The following DNAAF11 variants were observed in gnomAD, a reference collection of about 807,000 sequenced individuals.
DNAAF11 encodes dynein axonemal assembly factor 11.
Under a neutral mutation model 60.8 loss-of-function variants are expected in DNAAF11, and 45 were observed. The observed-to-expected ratio is 0.74, with a 90% CI of 0.58 to 0.95. The LOEUF is 0.95. DNAAF11 is among the 40% of genes least tolerant of loss of function. The pLI is 0.00. For missense variants in DNAAF11, 546 were observed against 546.2 expected, an observed-to-expected ratio of 1.00 and a Z score of 0.00; for synonymous variants, 191 against 183.5, an observed-to-expected ratio of 1.04 and a Z score of -0.33.
chr8:132,605,090 G>A (rs535462170), intron 10 of DNAAF11, among the ~76,000 whole-genome samples: 9 of 152,142 alleles, frequency 5.9e-5, no homozygotes, highest in African/African-American at 1.4e-4. Flanking sequence ...TGTCCCAAGC[G>A]CTGTCCTAGG....
chr8:132,625,576 T>C, intron 5 of DNAAF11, 122 bp from the exon 6 acceptor site: 1 of 765,422 alleles, frequency 1.3e-6, no homozygotes, highest in Non-Finnish European at 2.0e-6. Flanking sequence ...AATGACAAAG[T>C]GACTCTGAAA....
chr8:132,667,851 AGGAGGTTTCTGGGATACT>A (rs756363287), intron 1 of DNAAF11, among the ~76,000 whole-genome samples: 2 of 152,204 alleles, frequency 1.3e-5, no homozygotes, highest in Non-Finnish European at 2.9e-5. Flanking sequence ...GGGCACGGTG[AGGAGGTTTCTGGGATACT>A]GGAGGCTGTC....
intron 5 of DNAAF11, among the ~76,000 whole-genome samples, chr8:132,631,434 C>G (rs904632246): frequency 1.3e-5 from 2 of 152,174 alleles, no homozygotes; most frequent in Non-Finnish European, 2.9e-5. Flanking sequence ...TCTATACTTA[C>G]AATGAATTAG....
intron 10 of DNAAF11, among the ~76,000 whole-genome samples, chr8:132,593,033 G>A (rs1170977606): frequency 6.6e-6 from 1 of 151,678 alleles, no homozygotes; most frequent in Non-Finnish European, 1.5e-5. Context: ...AATGAGGAGA[G>A]TTCAGTAAGA....
intron 1 of DNAAF11, among the ~76,000 whole-genome samples, chr8:132,663,971 G>A (rs1206667664): frequency 6.6e-6 from 1 of 152,220 alleles, no homozygotes; most frequent in African/African-American, 2.4e-5. Flanking sequence ...GGAAGAAAAG[G>A]GAAGAGTGGG....
chr8:132,649,654 T>C (rs148954680), intron 3 of DNAAF11, among the ~76,000 whole-genome samples: 12,856 of 152,096 alleles, frequency 0.085, 659 homozygotes, highest in African/African-American at 0.11. Flanking sequence ...CTACAAAGAA[T>C]TTAAAGAAAT....
At chr8:132,628,651 T>C (rs570774631) in intron 5 of DNAAF11, among the ~76,000 whole-genome samples, 4 of 152,234 alleles carry the variant, frequency 2.6e-5, no homozygotes, top group African/African-American at 9.6e-5. Context: ...AACCTCCTAC[T>C]CCTCCCCAAC....
chr8:132,599,200 T>C (rs1376767441), intron 10 of DNAAF11, among the ~76,000 whole-genome samples: 7 of 152,066 alleles, frequency 4.6e-5, no homozygotes, highest in Non-Finnish European at 1.0e-4. Context: ...CCTGGACATA[T>C]ACACCACCCC....
upstream of DNAAF11, among the ~76,000 whole-genome samples, chr8:132,676,869 T>G (rs1399312963): frequency 1.3e-5 from 2 of 152,318 alleles, no homozygotes; most frequent in Middle Eastern, 6.8e-3. Context: ...CCTGAATATT[T>G]GGATTTCCAA....
rs1249422845 is a variant in DNAAF11 at position 132,655,249 on chromosome 8, AATT to A, written c.256+1578_256+1580del. 3.9e-5 allele frequency among the ~76,000 whole-genome samples: 6 copies of A among 152,234 alleles called. No individual in the cohort carries two copies. The East Asian group carries it at 1.2e-3, about 29-fold the overall frequency. ...TGAATAGACCTATAATAAGAGATTA[AATT>A]AATAATCAATAAACTTTCCCAAAGA... On this transcript the variant is annotated intron_variant, in intron 3 of 11. Coordinates refer to ENST00000620350, the MANE Select transcript of DNAAF11 (RefSeq NM_012472.6).
At chr8:132,698,944 A>ATTTTGTGTGTGTGTGTG in the DNAAF11 span, among the ~76,000 whole-genome samples, 20 of 142,542 alleles carry the variant, frequency 1.4e-4, no homozygotes, top group African/African-American at 4.9e-4. Context: ...ATACATATAT[A>ATTTTGTGTGTGTGTGTG]TATATATATA....
intron 8 of DNAAF11, 45 bp downstream of exon 8, chr8:132,614,993 A>T (rs761114246): frequency 7.7e-7 from 1 of 1,300,282 alleles, no homozygotes; most frequent in South Asian, 1.3e-5. Flanking sequence ...TGAGAATGAA[A>T]ACAGACAGAA....
chr8:132,662,922 C>T (rs554813004), intron 1 of DNAAF11, among the ~76,000 whole-genome samples: 9 of 152,166 alleles, frequency 5.9e-5, no homozygotes, highest in South Asian at 2.1e-4. Flanking sequence ...AAAACATGTA[C>T]GAACTTATCA....
chr8:132,678,714 T>C (rs1825823694), upstream of DNAAF11, among the ~76,000 whole-genome samples: 1 of 151,754 alleles, frequency 6.6e-6, no homozygotes, highest in Non-Finnish European at 1.5e-5. Context: ...ACTTCCAATA[T>C]TGGACTTTTA....
chr8:132,583,712 C>T lies in DNAAF11; in HGVS notation c.1208G>A (p.Arg403Lys). The T allele has an allele frequency of 2.5e-6, 4 of 1,613,632 alleles. No individual in the cohort carries two copies. The highest frequency in any genetic ancestry group is 3.4e-6 in the Non-Finnish European group (4 of 1,179,652). Residue 403 changes from arginine (R) to lysine (K), a missense_variant, in exon 11 of 12, where the codon AGA becomes AAA. By Grantham distance (26) the Arg-to-Lys change is conservative. Transcript: ENST00000620350. ...KSMKTTSDRSREQTNTRSKHM... is the reference protein window; with the variant it reads ...KSMKTTSDRSKEQTNTRSKHM... ...GTGGTACCTTGTATTTGTTTGTTCT[C>T]TGCTCCTGTCCGAGGTAGTTTTCAT...
chr8:132,677,728 G>A (rs1367094744), upstream of DNAAF11, among the ~76,000 whole-genome samples: 1 of 152,146 alleles, frequency 6.6e-6, no homozygotes, highest in Non-Finnish European at 1.5e-5. Flanking sequence ...GACATAGTGA[G>A]ACTCTGTGTC....
At chr8:132,691,926 T>G in the DNAAF11 span, among the ~76,000 whole-genome samples, 1 of 152,172 alleles carries the variant, frequency 6.6e-6, no homozygotes, top group Non-Finnish European at 1.5e-5. Context: ...ACGTGGGAGA[T>G]GCAGCCGCCT....
intron 2 of DNAAF11, among the ~76,000 whole-genome samples, chr8:132,658,185 T>C (rs777311288): frequency 7.9e-5 from 12 of 152,256 alleles, no homozygotes; most frequent in Non-Finnish European, 1.5e-4. Flanking sequence ...TCTCAATTTA[T>C]GCATTGTTTA....
chr8:132,600,004 G>A (rs1817439292), intron 10 of DNAAF11, among the ~76,000 whole-genome samples: 1 of 152,198 alleles, frequency 6.6e-6, no homozygotes, highest in Non-Finnish European at 1.5e-5. Context: ...CAGATAACAT[G>A]ATTGTATATT....
Sources: allele counts gnomAD v4.1 joint callset (sites outside exome capture counted in the v4.1 genomes callset), GRCh38; gene constraint gnomAD v4.1.1; transcripts MANE v1.5; gene names NCBI Gene and HGNC (gene_info 2026-07-23, HGNC 2026-07-21).